CATSPERT: variants seen among roughly 807,000 people sequenced by gnomAD.
CATSPERT encodes cation channel sperm-associated targeting subunit tau.
chr2:201,522,855 C>A, the CATSPERT span, among the ~76,000 whole-genome samples: 37 of 152,132 alleles, frequency 2.4e-4, no homozygotes, highest in Non-Finnish European at 5.4e-4. Context: ...GGGTATCTTG[C>A]CTGTGAGACA....
chr2:201,547,558 C>A, the CATSPERT span: 1 of 1,558,202 alleles, frequency 6.4e-7, no homozygotes, highest in South Asian at 1.2e-5. Flanking sequence ...AAATAGTTAG[C>A]TTTATCTATC....
the CATSPERT span, among the ~76,000 whole-genome samples, chr2:201,609,108 T>C: frequency 3.9e-5 from 6 of 152,308 alleles, no homozygotes; most frequent in African/African-American, 1.4e-4. Context: ...TAGGTCATTA[T>C]ATAATGATAA....
the CATSPERT span, chr2:201,545,591 T>C: frequency 7.0e-7 from 1 of 1,433,762 alleles, no homozygotes; most frequent in Non-Finnish European, 9.2e-7. Flanking sequence ...TTACTTTTCG[T>C]GTTTTCAGAT....
the CATSPERT span, among the ~76,000 whole-genome samples, chr2:201,590,005 T>A: frequency 6.6e-6 from 1 of 151,962 alleles, no homozygotes; most frequent in Non-Finnish European, 1.5e-5. Context: ...ATTATTATAC[T>A]TTAAGTTTTG....
the CATSPERT span, chr2:201,604,638 C>T: frequency 1 from 1,592,963 of 1,599,514 alleles, 793,355 homozygotes; most frequent in East Asian, 1. Context: ...CCAAATTTGG[C>T]GTCTCCTGTG....
At chr2:201,493,973 G>A in the CATSPERT span, 2 of 1,536,776 alleles carry the variant, frequency 1.3e-6, no homozygotes, top group Non-Finnish European at 1.7e-6. Flanking sequence ...CCTTCTGAAA[G>A]TGAATATTCA....
the CATSPERT span, among the ~76,000 whole-genome samples, chr2:201,570,664 C>T: frequency 6.6e-6 from 1 of 152,116 alleles, no homozygotes; most frequent in African/African-American, 2.4e-5. Context: ...CCTGAACTCT[C>T]AATCACCGTA....
At chr2:201,603,312 C>T in the CATSPERT span, 1 of 1,582,606 alleles carries the variant, frequency 6.3e-7, no homozygotes, top group East Asian at 2.3e-5. Context: ...ACAGTGAATG[C>T]ATTTAAAAAG....
At chr2:201,531,106 G>A in the CATSPERT span, among the ~76,000 whole-genome samples, 6 of 151,376 alleles carry the variant, frequency 4.0e-5, no homozygotes, top group Non-Finnish European at 5.9e-5. Context: ...GACTACAGGC[G>A]CCCGCCACCA....
chr2:201,591,701 A>G, the CATSPERT span, among the ~76,000 whole-genome samples: 1 of 152,040 alleles, frequency 6.6e-6, no homozygotes, highest in Non-Finnish European at 1.5e-5. Flanking sequence ...GGTCCTTCAC[A>G]TCCCTTGTAA....
At chr2:201,545,653 A>AT in the CATSPERT span, 1 of 794,268 alleles carries the variant, frequency 1.3e-6, no homozygotes, top group Non-Finnish European at 1.8e-6. Context: ...AAAAAAAAAA[A>AT]GAAAAAAAAA....
At chr2:201,559,780 C>A in the CATSPERT span, among the ~76,000 whole-genome samples, 18 of 152,162 alleles carry the variant, frequency 1.2e-4, no homozygotes, top group African/African-American at 4.1e-4. Context: ...AATATTCATA[C>A]AAATATTTCC....
At chr2:201,542,674 T>C in the CATSPERT span, among the ~76,000 whole-genome samples, 1,089 of 152,350 alleles carry the variant, frequency 7.1e-3, 15 homozygotes, top group African/African-American at 0.024. Flanking sequence ...TAAATATGTA[T>C]TCAAGTGCTC....
chr2:201,504,486 G>T, the CATSPERT span, among the ~76,000 whole-genome samples: 2 of 152,130 alleles, frequency 1.3e-5, no homozygotes, highest in African/African-American at 4.8e-5. Context: ...CTCCTACCTG[G>T]CAGACTGAGT....
the CATSPERT span, among the ~76,000 whole-genome samples, chr2:201,617,349 C>A: frequency 0.13 from 19,050 of 152,078 alleles, 2,258 homozygotes; most frequent in African/African-American, 0.32. Context: ...GGTACTGGTA[C>A]CAAAACAGAG....
the CATSPERT span, chr2:201,550,687 T>C: frequency 6.6e-6 from 1 of 152,314 alleles, no homozygotes; most frequent in Middle Eastern, 3.4e-3. Context: ...AGTGATAACA[T>C]TCCATAATAT....
the CATSPERT span, among the ~76,000 whole-genome samples, chr2:201,579,445 TTTGCTG>T: frequency 6.6e-6 from 1 of 151,906 alleles, no homozygotes; most frequent in Non-Finnish European, 1.5e-5. Context: ...TTGTTTTTGT[TTTGCTG>T]TTTTGTTTTG....
chr2:201,527,452 G>A, the CATSPERT span, among the ~76,000 whole-genome samples: 3 of 152,084 alleles, frequency 2.0e-5, no homozygotes, highest in Non-Finnish European at 4.4e-5. Context: ...AATAGTCAAA[G>A]CAATCTTAAG....
chr2:201,580,373 TG>T, the CATSPERT span, among the ~76,000 whole-genome samples: 1 of 152,254 alleles, frequency 6.6e-6, no homozygotes, highest in Non-Finnish European at 1.5e-5. Context: ...TTTTACCTAA[TG>T]GTTTTTAGTG....
Sources: gnomAD v4.1 joint callset for allele counts (sites outside exome capture counted in the v4.1 genomes callset) on GRCh38, gnomAD v4.1.1 for gene constraint, MANE v1.5 for transcripts, NCBI Gene and HGNC (gene_info 2026-07-23, HGNC 2026-07-21) for gene names.